Variants in PLCH1 observed in about 807,000 individuals in gnomAD.
PLCH1 encodes 1-phosphatidylinositol 4,5-bisphosphate phosphodiesterase eta-1.
A neutral mutation model predicts 126.7 loss-of-function variants in PLCH1; 60 were observed. That is an observed-to-expected ratio of 0.47 (90% CI 0.38 to 0.59). The LOEUF is 0.59. PLCH1 is among the 20% of genes least tolerant of loss of function. The probability of loss-of-function intolerance (pLI) is 0.00; values close to 1 mark genes in which losing one functional copy is unlikely to be tolerated. For synonymous variants in PLCH1, 719 were observed against 734.9 expected (o/e 0.98, Z 0.35); for missense variants, 1,723 against 2,040.0 (o/e 0.84, Z 2.99).
chr3:155,656,202 C>T (rs973962213), intron 2 of PLCH1, among the ~76,000 whole-genome samples: 1 of 146,806 alleles, frequency 6.8e-6, no homozygotes, highest in African/African-American at 2.5e-5. Flanking sequence ...CACAAAGAAG[C>T]ACCAGACCAA....
chr3:155,655,574 A>C (rs1333353044), intron 2 of PLCH1, among the ~76,000 whole-genome samples: 1 of 152,224 alleles, frequency 6.6e-6, no homozygotes, highest in Non-Finnish European at 1.5e-5. Flanking sequence ...AAATCTCTCC[A>C]TACATTCACC....
chr3:155,529,221 G>T (rs1722344333), intron 10 of PLCH1, among the ~76,000 whole-genome samples: 1 of 152,126 alleles, frequency 6.6e-6, no homozygotes, highest in Non-Finnish European at 1.5e-5. Flanking sequence ...TGGAAATATT[G>T]CTAGAGACTG....
intron 8 of PLCH1, among the ~76,000 whole-genome samples, chr3:155,561,536 T>A (rs1369400277): frequency 6.6e-6 from 1 of 151,904 alleles, no homozygotes; most frequent in Admixed American, 6.6e-5. Context: ...TCTATCATTG[T>A]TGGACATTTG....
intron 2 of PLCH1, among the ~76,000 whole-genome samples, chr3:155,602,454 A>G (rs1733858273): frequency 6.6e-6 from 1 of 152,184 alleles, no homozygotes; most frequent in Non-Finnish European, 1.5e-5. Context: ...CAAAACAGAA[A>G]GTAACACAGT....
intron 1 of PLCH1, among the ~76,000 whole-genome samples, chr3:155,712,203 A>T (rs749671718): frequency 9.2e-5 from 14 of 152,212 alleles, no homozygotes; most frequent in Non-Finnish European, 5.9e-5. Context: ...CAACCAACTC[A>T]CAGGGGACCT....
chr3:155,701,367 G>A (rs1292724625), intron 2 of PLCH1, among the ~76,000 whole-genome samples: 1 of 152,036 alleles, frequency 6.6e-6, no homozygotes, highest in East Asian at 1.9e-4. Context: ...TATTTTTGCT[G>A]CTATTGACCA....
intron 2 of PLCH1, among the ~76,000 whole-genome samples, chr3:155,655,721 A>AAAAGAG (rs1741280858): frequency 6.6e-6 from 1 of 152,216 alleles, no homozygotes; most frequent in Non-Finnish European, 1.5e-5. Flanking sequence ...ACCTGCATGG[A>AAAAGAG]AAAGAGAAGG....
chr3:155,683,263 A>G (rs1043994719), intron 2 of PLCH1, among the ~76,000 whole-genome samples: 1 of 152,116 alleles, frequency 6.6e-6, no homozygotes, highest in Admixed American at 6.5e-5. Context: ...CTTGGTTTTC[A>G]TTATTTTTTG....
intron 5 of PLCH1, 48 bp from the exon 6 acceptor site, chr3:155,583,690 G>T (rs67668024): frequency 0.074 from 98,536 of 1,326,556 alleles, 5,634 homozygotes; most frequent in African/African-American, 0.28. Flanking sequence ...TTAGAAATAG[G>T]AAATTCAGTA....
chr3:155,571,198 C>G (rs1023688257), intron 6 of PLCH1, among the ~76,000 whole-genome samples: 1 of 152,108 alleles, frequency 6.6e-6, no homozygotes, highest in Non-Finnish European at 1.5e-5. Flanking sequence ...CTATGATTCT[C>G]AACAACACCA....
At position 155,500,580 on chromosome 3, in the gene PLCH1, C is replaced by T. The variant is rs1576837928; in HGVS notation, c.1796+123G>A. ...CATATCCAGCTGTTCTTCACATGTT[C>T]GACAGCACAGAATACTTTCCTTGTG... is the stretch of plus-strand genomic sequence containing the variant. On this transcript the variant is annotated intron_variant, in intron 14 of 22. Transcript: ENST00000460012. 1.7e-5 allele frequency: 11 copies of T among 657,010 alleles called. 1 individual carries two copies. The highest frequency in any genetic ancestry group is 1.6e-4 in the East Asian group (6 of 37,400). 40.7% of individuals were successfully genotyped at this position (657,010 alleles called of 1,614,324 possible).
chr3:155,632,897 C>G (rs991311928), intron 2 of PLCH1, among the ~76,000 whole-genome samples: 1 of 152,136 alleles, frequency 6.6e-6, no homozygotes, highest in Non-Finnish European at 1.5e-5. Flanking sequence ...ATCTCCAAAG[C>G]CTATCCCACT....
chr3:155,487,903 C>T (rs1715507870), intron 21 of PLCH1, 125 bp downstream of exon 21: 3 of 630,078 alleles, frequency 4.8e-6, no homozygotes, highest in Admixed American at 2.5e-5. Context: ...GCTTGCTGGG[C>T]CTCCTTAGAG....
intron 2 of PLCH1, among the ~76,000 whole-genome samples, chr3:155,602,486 G>A (rs916828905): frequency 1.3e-5 from 2 of 152,072 alleles, no homozygotes; most frequent in Admixed American, 6.6e-5. Context: ...TAAGGGTGAG[G>A]ATACATTCTG....
chr3:155,596,831 T>G (rs1454784557), intron 2 of PLCH1, among the ~76,000 whole-genome samples: 1 of 152,254 alleles, frequency 6.6e-6, no homozygotes, highest in Non-Finnish European at 1.5e-5. Context: ...AATGGGATAA[T>G]GATTACATAT....
intron 2 of PLCH1, among the ~76,000 whole-genome samples, chr3:155,648,884 G>A (rs1191313033): frequency 2.6e-5 from 4 of 152,290 alleles, no homozygotes; most frequent in South Asian, 2.1e-4. Flanking sequence ...GGGCAGAGCC[G>A]GCCATAAGGC....
chr3:155,458,492 A>T lies in PLCH1; in HGVS notation c.2938+26864T>A, dbSNP rs796507950. On this transcript the variant is annotated intron_variant, in intron 21 of 21. Coordinates refer to the PLCH1 transcript ENST00000494598. ...AAAGAAAGAAAGAAAGAAAGAAAGA[A>T]AGAAAGAGAAAGAAGAGAGAGAAAT... 4.6e-5 allele frequency among the ~76,000 whole-genome samples: 5 copies of T among 107,958 alleles called. No homozygotes were observed. The South Asian group carries it at 8.1e-4, about 17-fold the overall frequency. The allele number at this position is 107,958 out of a possible 152,430, so 70.8% of individuals were successfully genotyped here. A position where few individuals can be genotyped will look rare whatever the true frequency, so the allele number is the denominator to read the frequency against.
downstream of PLCH1, among the ~76,000 whole-genome samples, chr3:155,479,525 C>T (rs1176996141): frequency 1.3e-5 from 2 of 152,108 alleles, no homozygotes; most frequent in Non-Finnish European, 2.9e-5. Context: ...AACATAACCT[C>T]TCACTTGCCT....
intron 2 of PLCH1, among the ~76,000 whole-genome samples, chr3:155,659,302 CTTTTTTTTTTTTTTTT>C (rs753258422): frequency 9.4e-4 from 29 of 30,850 alleles, no homozygotes; most frequent in Admixed American, 1.6e-3. Flanking sequence ...CTATTCACTT[CTTTTTTTTTTTTTTTT>C]TTTTTTTTTT....
Sources: gnomAD v4.1 joint callset for allele counts (sites outside exome capture counted in the v4.1 genomes callset) on GRCh38, gnomAD v4.1.1 for gene constraint, MANE v1.5 for transcripts, NCBI Gene and HGNC (gene_info 2026-07-23, HGNC 2026-07-21) for gene names.